Variants in MTMR7 observed in about 807,000 individuals in gnomAD.
The protein encoded by MTMR7 is phosphatidylinositol-3-phosphate phosphatase MTMR7.
In MTMR7, 76 loss-of-function variants were observed where a neutral mutation model predicts 81.2. The ratio of observed to expected loss-of-function variants is 0.94; its 90% CI spans 0.78 to 1.13. The LOEUF (loss-of-function observed/expected upper bound fraction) is 1.13, where lower values mean the gene tolerates loss of function less well. MTMR7 is among the 50% of genes most tolerant of loss of function. The pLI is 0.00. For missense variants in MTMR7, 1,044 were observed against 820.0 expected (o/e 1.27, Z -3.34); for synonymous variants, 372 against 289.8 (o/e 1.28, Z -2.88).
intron 1 of MTMR7, among the ~76,000 whole-genome samples, chr8:17,408,463 T>C (rs1821656222): frequency 6.6e-6 from 1 of 151,994 alleles, no homozygotes; most frequent in Non-Finnish European, 1.5e-5. Flanking sequence ...ACTTCCTTTC[T>C]TTCTTTGATG....
chr8:17,392,623 A>C (rs572097017), intron 1 of MTMR7, among the ~76,000 whole-genome samples: 1 of 152,372 alleles, frequency 6.6e-6, no homozygotes, highest in South Asian at 2.1e-4. Flanking sequence ...TTCCTGAGCG[A>C]AACTTGACAC....
At chr8:17,359,598 A>AAAAAAG (rs1253259945) in intron 4 of MTMR7, among the ~76,000 whole-genome samples, 5 of 151,204 alleles carry the variant, frequency 3.3e-5, no homozygotes, top group Non-Finnish European at 7.4e-5. Flanking sequence ...AAAAAAAAAA[A>AAAAAAG]ACCTGAAAGA....
At chr8:17,301,794 TG>T (rs1418228798) in intron 13 of MTMR7, 1 of 277,628 alleles carries the variant, frequency 3.6e-6, no homozygotes, top group Admixed American at 5.1e-5. Flanking sequence ...TTTCTAAAAG[TG>T]GGGAAAGAGT....
intron 4 of MTMR7, among the ~76,000 whole-genome samples, chr8:17,356,230 C>A (rs1333078520): frequency 6.6e-6 from 1 of 152,114 alleles, no homozygotes; most frequent in Non-Finnish European, 1.5e-5. Context: ...TACATAGGAA[C>A]CTTCCACATT....
chr8:17,370,899 G>A lies in MTMR7; in HGVS notation c.310+138C>T, dbSNP rs1364175725. The A allele has an allele frequency of 2.0e-5, 16 of 796,020 alleles. No individual in the cohort carries two copies. In the East Asian group the frequency reaches 3.9e-4, roughly 19 times the overall value. The allele number at this position is 796,020 out of a possible 1,614,324, so 49.3% of individuals were successfully genotyped here. ...AACTCTGTATCAGATGATCATTCGG[G>A]CTTATCCTCTCCTGAGAACGAGACT... On this transcript the variant is annotated intron_variant, in intron 3 of 13. Transcript: ENST00000180173.
At chr8:17,376,080 T>C (rs1255210299) in intron 1 of MTMR7, among the ~76,000 whole-genome samples, 3 of 152,228 alleles carry the variant, frequency 2.0e-5, no homozygotes, top group African/African-American at 4.8e-5. Context: ...ATCCCAGTTA[T>C]TCCCCCAACC....
intron 4 of MTMR7, among the ~76,000 whole-genome samples, chr8:17,356,176 T>C (rs1819883799): frequency 1.3e-5 from 2 of 152,204 alleles, no homozygotes; most frequent in South Asian, 4.1e-4. Flanking sequence ...ATATTGTGTC[T>C]TGCTTTTTCT....
At chr8:17,404,424 C>T (rs961564601) in intron 1 of MTMR7, among the ~76,000 whole-genome samples, 1 of 152,052 alleles carries the variant, frequency 6.6e-6, no homozygotes, top group East Asian at 1.9e-4. Context: ...ATTAGATATA[C>T]AAATTATTTT....
At chr8:17,326,379 A>G (rs1205304381) in intron 7 of MTMR7, 1 of 152,196 alleles carries the variant, frequency 6.6e-6, no homozygotes, top group Non-Finnish European at 1.5e-5. Flanking sequence ...TGTCCAATAC[A>G]TAGTAAGCCT....
rs541793376 is a variant in MTMR7 at position 17,372,961 on chromosome 8, G to A, written c.147+157C>T. On this transcript the variant is annotated intron_variant, in intron 2 of 13. Coordinates refer to ENST00000180173, the MANE Select transcript of MTMR7 (RefSeq NM_004686.5). ...AATAGTCGATCAAGTAGATACGACT[G>A]CACAGAAAAAGTCCAAACACACATT... 15 of 790,248 alleles carry A rather than the reference G, an allele frequency of 1.9e-5. No individual in the cohort carries two copies. The Admixed American group carries it at 3.5e-4, about 18-fold the overall frequency. 49.0% of individuals were successfully genotyped at this position (790,248 alleles called of 1,614,324 possible). A position where few individuals can be genotyped will look rare whatever the true frequency, so the allele number is the denominator to read the frequency against.
chr8:17,396,682 A>C (rs1450117095), intron 1 of MTMR7, among the ~76,000 whole-genome samples: 1 of 152,034 alleles, frequency 6.6e-6, no homozygotes, highest in Admixed American at 6.5e-5. Flanking sequence ...GTCAAGTCCT[A>C]ATGCTGGGCT....
chr8:17,319,755 C>T (rs149073672), intron 7 of MTMR7, among the ~76,000 whole-genome samples: 10 of 152,248 alleles, frequency 6.6e-5, no homozygotes, highest in South Asian at 4.1e-4. Context: ...CGTGGTGAGA[C>T]GAGGCTCCAG....
At position 17,406,534 on chromosome 8, in the gene MTMR7, C is replaced by T. The variant is rs532214967; in HGVS notation, c.24+6735G>A. 7.2e-4 allele frequency among the ~76,000 whole-genome samples: 109 copies of T among 152,264 alleles called. No individual in the cohort carries two copies. The South Asian group carries it at 1.0e-2, about 14-fold the overall frequency. On this transcript the variant is annotated intron_variant, in intron 1 of 13. Coordinates refer to ENST00000180173, the MANE Select transcript of MTMR7 (RefSeq NM_004686.5). Reference sequence around the variant, plus strand: ...AACTGGAACCCTTACACATTATTGTCGGGGTTCTGAAATAGTGCAGCCACT... The same window carrying T: ...AACTGGAACCCTTACACATTATTGTTGGGGTTCTGAAATAGTGCAGCCACT...
In MTMR7 at chr8:17,371,139, G is replaced by C. The variant is rs972723225; in HGVS notation, c.208C>G (p.Leu70Val). The change falls in exon 3 of 14, where the codon CTG becomes GTG. Residue 70 changes from leucine to valine, a missense_variant. Physicochemically the swap from Leu to Val is conservative, Grantham distance 32. Coordinates refer to ENST00000180173, the MANE Select transcript of MTMR7 (RefSeq NM_004686.5). ...TGAAAGTTCTTGCAGCGAATCAGCA[G>C]AGGGCATCCGGTAGCGGTTGTTGCC... is the stretch of plus-strand genomic sequence containing the variant. ...KQATTATGCPLLIRCKNFQII... is the reference protein window; with the variant it reads ...KQATTATGCPVLIRCKNFQII... 1.2e-6 allele frequency: 2 copies of C among 1,614,132 alleles called. No homozygotes were observed. Among genetic ancestry groups the C allele is most frequent in the Non-Finnish European group, 1.7e-6 (2 of 1,180,046 alleles).
chr8:17,363,250 G>A (rs1050700998), intron 3 of MTMR7, among the ~76,000 whole-genome samples: 2 of 152,214 alleles, frequency 1.3e-5, no homozygotes, highest in Admixed American at 6.5e-5. Flanking sequence ...CATGACTCAG[G>A]CTTCTGCTAC....
chr8:17,307,220 G>A (rs1817511349), intron 10 of MTMR7, among the ~76,000 whole-genome samples: 1 of 152,164 alleles, frequency 6.6e-6, no homozygotes, highest in African/African-American at 2.4e-5. Context: ...CAAAAAGTGG[G>A]CAAAGGATAT....
rs779561293 is a variant in MTMR7 at position 17,300,139 on chromosome 8, G to C, written c.1706C>G (p.Ser569Cys). 2.5e-6 allele frequency: 4 copies of C among 1,614,122 alleles called. No homozygotes were observed. Among genetic ancestry groups the C allele is most frequent in the African/African-American group, 1.3e-5 (1 of 75,014 alleles). The part of the protein sequence containing the change: ...QSEPSKHSGF[S>C]TSDNSIANTP... ...GTTGGCTATGCTGTTGTCTGAGGTA[G>C]AAAACCCTGAGTGCTTGCTGGGCTC... is the stretch of plus-strand genomic sequence containing the variant. Residue 569 changes from serine (S) to cysteine (C), a missense_variant, in exon 14 of 14, where the codon TCT becomes TGT. Ser to Cys is a moderately radical substitution (Grantham distance 112). Coordinates refer to ENST00000180173, the MANE Select transcript of MTMR7 (RefSeq NM_004686.5).
At chr8:17,329,039 A>T (rs941137872) in intron 7 of MTMR7, among the ~76,000 whole-genome samples, 9 of 152,248 alleles carry the variant, frequency 5.9e-5, no homozygotes, top group Admixed American at 3.3e-4. Context: ...ACCAGAACGC[A>T]AACAATTTTA....
chr8:17,402,561 T>A (rs1383149349), intron 1 of MTMR7, among the ~76,000 whole-genome samples: 2 of 152,214 alleles, frequency 1.3e-5, no homozygotes, highest in Non-Finnish European at 2.9e-5. Context: ...TGACCTTCAG[T>A]CCCATCCATG....
Sources: gnomAD v4.1 joint callset for allele counts (sites outside exome capture counted in the v4.1 genomes callset) on GRCh38, gnomAD v4.1.1 for gene constraint, MANE v1.5 for transcripts, NCBI Gene and HGNC (gene_info 2026-07-23, HGNC 2026-07-21) for gene names.